PEBP4: variants seen among roughly 807,000 people sequenced by gnomAD.
PEBP4 encodes phosphatidylethanolamine-binding protein 4.
Under a neutral mutation model 23.9 loss-of-function variants are expected in PEBP4, and 22 were observed. That is an observed-to-expected ratio of 0.92 (90% CI 0.66 to 1.31). The LOEUF is 1.31. PEBP4 is among the 40% of genes most tolerant of loss of function. PEBP4 has a pLI of 0.00. For synonymous variants in PEBP4, 112 were observed against 99.3 expected, an observed-to-expected ratio of 1.13 and a Z score of -0.76; for missense variants, 324 against 281.7, an observed-to-expected ratio of 1.15 and a Z score of -1.07.
At chr8:22,858,462 C>A (rs1194178152) in intron 3 of PEBP4, among the ~76,000 whole-genome samples, 1 of 152,204 alleles carries the variant, frequency 6.6e-6, no homozygotes. Context: ...TGCTTGGCCC[C>A]AGCATCCTGG....
intron 3 of PEBP4, among the ~76,000 whole-genome samples, chr8:22,819,008 A>C (rs756284723): frequency 2.0e-4 from 31 of 152,268 alleles, no homozygotes; most frequent in Middle Eastern, 3.4e-3. Context: ...TCTGGTTTAG[A>C]TATCTTGAGT....
intron 4 of PEBP4, among the ~76,000 whole-genome samples, chr8:22,728,678 A>G: frequency 6.7e-6 from 1 of 148,806 alleles, no homozygotes; most frequent in East Asian, 2.0e-4. Context: ...GTTCACTGCA[A>G]CCTCCGCCTC....
At chr8:22,876,247 TA>T (rs1025798926) in intron 3 of PEBP4, among the ~76,000 whole-genome samples, 1 of 152,154 alleles carries the variant, frequency 6.6e-6, no homozygotes, top group Non-Finnish European at 1.5e-5. Context: ...CTTCTTCCCT[TA>T]TTACCGCAGC....
intron 3 of PEBP4, among the ~76,000 whole-genome samples, chr8:22,863,499 A>G (rs1807822929): frequency 6.6e-6 from 1 of 152,172 alleles, no homozygotes; most frequent in African/African-American, 2.4e-5. Flanking sequence ...AGGGAGGGTT[A>G]GCTTCTGGCT....
chr8:22,876,921 G>A (rs1446829899), intron 3 of PEBP4, among the ~76,000 whole-genome samples: 1 of 152,094 alleles, frequency 6.6e-6, no homozygotes, highest in Non-Finnish European at 1.5e-5. Flanking sequence ...TCTGGGCCTT[G>A]GACCCTTATC....
intron 3 of PEBP4, among the ~76,000 whole-genome samples, chr8:22,911,368 C>T (rs867335571): frequency 6.6e-6 from 1 of 152,166 alleles, no homozygotes; most frequent in Non-Finnish European, 1.5e-5. Context: ...GCAGCCCCCT[C>T]CTCTGGCAGT....
chr8:22,780,716 G>A (rs1165525474), intron 4 of PEBP4, among the ~76,000 whole-genome samples: 1 of 152,218 alleles, frequency 6.6e-6, no homozygotes, highest in Admixed American at 6.5e-5. Context: ...CAGCTGGAAG[G>A]ATGTGGACAG....
intron 4 of PEBP4, among the ~76,000 whole-genome samples, chr8:22,752,064 T>G (rs866490470): frequency 6.6e-6 from 1 of 152,228 alleles, no homozygotes; most frequent in South Asian, 2.1e-4. Flanking sequence ...GCCTGGCTAA[T>G]TTTTTTAAAA....
intron 4 of PEBP4, among the ~76,000 whole-genome samples, chr8:22,782,607 T>C (rs1400611468): frequency 1.3e-5 from 2 of 152,236 alleles, no homozygotes; most frequent in African/African-American, 2.4e-5. Context: ...CAAGAGTTCT[T>C]AACCCAGGAC....
intron 3 of PEBP4, among the ~76,000 whole-genome samples, chr8:22,894,082 C>T (rs547878081): frequency 6.6e-6 from 1 of 151,996 alleles, no homozygotes. Flanking sequence ...TGGCAGCCCG[C>T]GGCATATAGT....
At chr8:22,833,928 T>C (rs1156469670) in intron 3 of PEBP4, among the ~76,000 whole-genome samples, 1 of 152,194 alleles carries the variant, frequency 6.6e-6, no homozygotes, top group Non-Finnish European at 1.5e-5. Flanking sequence ...TAAAGTCTAA[T>C]TCCCCTGAAG....
chr8:22,897,292 A>G (rs1808606865), intron 3 of PEBP4, among the ~76,000 whole-genome samples: 1 of 152,172 alleles, frequency 6.6e-6, no homozygotes, highest in African/African-American at 2.4e-5. Context: ...CAGTCACCAC[A>G]CTGCAACGGG....
chr8:22,914,200 C>T (rs1809017586), intron 3 of PEBP4, among the ~76,000 whole-genome samples: 1 of 151,938 alleles, frequency 6.6e-6, no homozygotes, highest in African/African-American at 2.4e-5. Context: ...GTTTGCCAGG[C>T]TGATCTCCTG....
intron 4 of PEBP4, among the ~76,000 whole-genome samples, chr8:22,765,116 T>TCTTCCTTCCTTCCTTC (rs113133723): frequency 0.082 from 11,832 of 144,898 alleles, 585 homozygotes; most frequent in East Asian, 0.19. Flanking sequence ...TTCCTTTATT[T>TCTTCCTTCCTTCCTTC]CTTCCTTCCT....
At chr8:22,874,404 AG>A (rs1308948108) in intron 3 of PEBP4, among the ~76,000 whole-genome samples, 1 of 152,218 alleles carries the variant, frequency 6.6e-6, no homozygotes, top group Non-Finnish European at 1.5e-5. Context: ...TTAAATTGGA[AG>A]ATGAATGTTT....
intron 3 of PEBP4, among the ~76,000 whole-genome samples, chr8:22,894,599 A>G (rs1808556636): frequency 6.6e-6 from 1 of 152,058 alleles, no homozygotes; most frequent in Non-Finnish European, 1.5e-5. Context: ...AAAATAAAAT[A>G]GTAATAAATT....
intron 4 of PEBP4, among the ~76,000 whole-genome samples, chr8:22,781,491 G>C (rs185982484): frequency 6.7e-4 from 102 of 151,990 alleles, no homozygotes; most frequent in African/African-American, 2.4e-3. Flanking sequence ...CACAGCTCCC[G>C]TCTCCATCCC....
chr8:22,770,768 A>G (rs186124959), intron 4 of PEBP4, among the ~76,000 whole-genome samples: 276 of 152,344 alleles, frequency 1.8e-3, no homozygotes, highest in African/African-American at 6.3e-3. Flanking sequence ...TCTTCACATT[A>G]GCAGTTCAGG....
intron 3 of PEBP4, among the ~76,000 whole-genome samples, chr8:22,911,667 C>T (rs571533558): frequency 3.3e-5 from 5 of 152,312 alleles, no homozygotes; most frequent in Admixed American, 2.6e-4. Context: ...CCACAAAGGC[C>T]GGCAGCTATT....
Sources: gnomAD v4.1 joint callset for allele counts (sites outside exome capture counted in the v4.1 genomes callset) on GRCh38, gnomAD v4.1.1 for gene constraint, MANE v1.5 for transcripts, NCBI Gene and HGNC (gene_info 2026-07-23, HGNC 2026-07-21) for gene names.